Variants in ZNF407 observed in about 807,000 individuals in gnomAD.
ZNF407 encodes the protein zinc finger protein 407.
ZNF407 carries 17 observed loss-of-function variants against 131.2 expected under a neutral mutation model. The ratio of observed to expected loss-of-function variants is 0.13; its 90% CI spans 0.09 to 0.19. ZNF407 has a LOEUF of 0.19. Ranked by LOEUF, ZNF407 falls within the 10% of genes least tolerant of loss-of-function variation. The pLI is 1.00. For synonymous variants in ZNF407, 1,156 were observed against 1,062.0 expected (o/e 1.09, Z -1.72); for missense variants, 2,681 against 2,830.6 (o/e 0.95, Z 1.20).
chr18:74,643,697 T>C lies in ZNF407; in HGVS notation c.4802+2575T>C, dbSNP rs77430507. Among the ~76,000 whole-genome samples, 111 of 152,160 alleles carry C rather than the reference T, an allele frequency of 7.3e-4. 1 individual carries two copies. The East Asian group carries it at 0.02, about 28-fold the overall frequency. ...CAAACAGTATTGAGCTCAATATTAA[T>C]GTCTCAGATTATTTGTAATTTACCT... On this transcript the variant is annotated intron_variant, in intron 3 of 8. Coordinates refer to ENST00000299687, the MANE Select transcript of ZNF407 (RefSeq NM_017757.3).
chr18:74,738,136 G>T (rs989483616), intron 3 of ZNF407, among the ~76,000 whole-genome samples: 1 of 151,992 alleles, frequency 6.6e-6, no homozygotes, highest in Non-Finnish European at 1.5e-5. Flanking sequence ...AAAAGGGGAC[G>T]TTGGGCCAGG....
chr18:75,060,342 G>A (rs1973611657), intron 8 of ZNF407: 2 of 152,228 alleles, frequency 1.3e-5, no homozygotes, highest in Admixed American at 1.3e-4. Context: ...TCTGCCTGGT[G>A]CGTGAGGGCC....
At chr18:74,696,250 T>G (rs1314065579) in intron 3 of ZNF407, among the ~76,000 whole-genome samples, 1 of 152,218 alleles carries the variant, frequency 6.6e-6, no homozygotes, top group African/African-American at 2.4e-5. Flanking sequence ...AGCTTGTTAC[T>G]TTTGGTAGTT....
chr18:74,831,165 C>T (rs527609183), intron 4 of ZNF407, among the ~76,000 whole-genome samples: 3 of 152,022 alleles, frequency 2.0e-5, no homozygotes, highest in African/African-American at 4.8e-5. Context: ...TTTCCTTATC[C>T]GTTCTTCTGC....
intron 8 of ZNF407, among the ~76,000 whole-genome samples, chr18:75,032,725 T>C (rs1478132797): frequency 6.9e-6 from 1 of 145,324 alleles, no homozygotes. Context: ...CTAAGAGTGC[T>C]CGGAATGGGG....
chr18:75,028,019 C>T (rs1322068184), intron 8 of ZNF407, among the ~76,000 whole-genome samples: 2 of 152,212 alleles, frequency 1.3e-5, no homozygotes, highest in African/African-American at 4.8e-5. Context: ...GCAGTTCTGT[C>T]TGTTCTGTCC....
chr18:74,926,490 C>CT (rs1768847622), intron 8 of ZNF407, among the ~76,000 whole-genome samples: 2 of 152,178 alleles, frequency 1.3e-5, no homozygotes, highest in Admixed American at 6.5e-5. Context: ...TTTTTCAAAA[C>CT]TTTCTAATGA....
chr18:74,953,405 G>A (rs978867788), intron 8 of ZNF407, among the ~76,000 whole-genome samples: 9 of 152,158 alleles, frequency 5.9e-5, no homozygotes, highest in African/African-American at 1.7e-4. Flanking sequence ...CTTTAATTTG[G>A]TGGCTTTGTA....
chr18:74,925,248 C>T (rs780340960), intron 8 of ZNF407, among the ~76,000 whole-genome samples: 24 of 152,098 alleles, frequency 1.6e-4, no homozygotes, highest in Admixed American at 4.6e-4. Context: ...AGTGATAACA[C>T]TTGAAATTAT....
At chr18:74,851,197 T>C (rs1409798352) in intron 4 of ZNF407, among the ~76,000 whole-genome samples, 1 of 152,226 alleles carries the variant, frequency 6.6e-6, no homozygotes, top group African/African-American at 2.4e-5. Flanking sequence ...TAAGTATAAA[T>C]TGTACAGTTG....
At chr18:74,804,021 C>G in intron 4 of ZNF407, 1 of 1,551,708 alleles carries the variant, frequency 6.4e-7, no homozygotes, top group Admixed American at 2.0e-5. Context: ...ACAACAGGAA[C>G]GCGTCGAGTG....
intron 7 of ZNF407, among the ~76,000 whole-genome samples, chr18:74,910,478 T>A (rs1971654682): frequency 1.3e-5 from 2 of 152,154 alleles, no homozygotes; most frequent in Admixed American, 1.3e-4. Flanking sequence ...TATTTTTAGG[T>A]TCATACTCTA....
At chr18:74,784,797 C>A (rs1340265201) in intron 4 of ZNF407, among the ~76,000 whole-genome samples, 1 of 152,228 alleles carries the variant, frequency 6.6e-6, no homozygotes, top group African/African-American at 2.4e-5. Context: ...TAATAGTAAT[C>A]TAGAAAACGA....
chr18:74,940,424 T>C (rs375806517), intron 8 of ZNF407, among the ~76,000 whole-genome samples: 1 of 151,948 alleles, frequency 6.6e-6, no homozygotes, highest in Non-Finnish European at 1.5e-5. Context: ...TTGCTGGCCA[T>C]TAGTATTATC....
chr18:74,798,186 T>C (rs1188629263), intron 4 of ZNF407, among the ~76,000 whole-genome samples: 2 of 133,366 alleles, frequency 1.5e-5, no homozygotes, highest in Non-Finnish European at 3.2e-5. Flanking sequence ...TTTACAGGTA[T>C]TCTTTCTTTC....
At chr18:74,872,725 C>A (rs530151204) in intron 4 of ZNF407, among the ~76,000 whole-genome samples, 1 of 146,036 alleles carries the variant, frequency 6.8e-6, no homozygotes, top group East Asian at 2.0e-4. Context: ...CACTCTACTC[C>A]AGCCTGGTGG....
At chr18:74,608,157 T>C (rs1405281348) in intron 1 of ZNF407, among the ~76,000 whole-genome samples, 1 of 152,202 alleles carries the variant, frequency 6.6e-6, no homozygotes, top group Admixed American at 6.5e-5. Context: ...CAGCATCTCC[T>C]GTTGTTCTCA....
chr18:75,029,621 G>C (rs1054593627), intron 8 of ZNF407, among the ~76,000 whole-genome samples: 1 of 152,146 alleles, frequency 6.6e-6, no homozygotes, highest in African/African-American at 2.4e-5. Flanking sequence ...GTGTGCCTGG[G>C]TGTGCGTGGG....
chr18:74,756,020 A>G (rs2144960453), intron 3 of ZNF407, among the ~76,000 whole-genome samples: 1 of 143,020 alleles, frequency 7.0e-6, no homozygotes, highest in Non-Finnish European at 1.5e-5. Context: ...CAGCCTCCTT[A>G]GTAGCTGGGA....
Sources: gnomAD v4.1 joint callset for allele counts (sites outside exome capture counted in the v4.1 genomes callset) on GRCh38, gnomAD v4.1.1 for gene constraint, MANE v1.5 for transcripts, NCBI Gene and HGNC (gene_info 2026-07-23, HGNC 2026-07-21) for gene names.